The following GPHN variants were observed in gnomAD, a reference collection of about 807,000 sequenced individuals.
GPHN encodes gephyrin.
Under a neutral mutation model 95.5 loss-of-function variants are expected in GPHN, and 17 were observed. That is an observed-to-expected ratio of 0.18 (90% CI 0.12 to 0.27). The LOEUF (loss-of-function observed/expected upper bound fraction) is 0.27, where lower values mean the gene tolerates loss of function less well. Ranked by LOEUF, GPHN falls within the 10% of genes least tolerant of loss-of-function variation. The probability of loss-of-function intolerance (pLI) is 1.00; values close to 1 mark genes in which losing one functional copy is unlikely to be tolerated. For synonymous variants in GPHN, 320 were observed against 322.5 expected, an observed-to-expected ratio of 0.99 and a Z score of 0.08; for missense variants, 660 against 978.1, an observed-to-expected ratio of 0.67 and a Z score of 4.34.
intron 5 of GPHN, among the ~76,000 whole-genome samples, chr14:66,895,951 T>A (rs2064825186): frequency 1.3e-5 from 2 of 152,174 alleles, no homozygotes; most frequent in Admixed American, 1.3e-4. Context: ...AGAAATTTAT[T>A]GCTTACAGTT....
intron 17 of GPHN, among the ~76,000 whole-genome samples, chr14:67,136,054 G>A (rs1261988556): frequency 6.6e-6 from 1 of 152,116 alleles, no homozygotes; most frequent in Non-Finnish European, 1.5e-5. Context: ...CTGTATTAGT[G>A]TTTTAATTGC....
chr14:67,045,613 G>C (rs760970368), intron 10 of GPHN, among the ~76,000 whole-genome samples: 48 of 145,726 alleles, frequency 3.3e-4, no homozygotes, highest in Admixed American at 3.4e-4. Context: ...CTCTGTCTGT[G>C]TCTCTGTCTC....
the GPHN span, among the ~76,000 whole-genome samples, chr14:67,359,263 CT>C: frequency 6.6e-6 from 1 of 152,216 alleles, no homozygotes; most frequent in Admixed American, 6.5e-5. Context: ...TTAAAACCTC[CT>C]TGGCCTTTCC....
At chr14:67,450,194 G>A in the GPHN span, among the ~76,000 whole-genome samples, 3 of 151,912 alleles carry the variant, frequency 2.0e-5, no homozygotes, top group Non-Finnish European at 4.4e-5. Context: ...GGCGTTCCCA[G>A]CCATATGGAA....
the GPHN span, chr14:67,642,308 G>A: frequency 6.2e-7 from 1 of 1,614,156 alleles, no homozygotes; most frequent in East Asian, 2.2e-5. Flanking sequence ...GGCTGAGGTG[G>A]TTAGCAGAGC....
chr14:66,693,606 A>G (rs980480714), intron 2 of GPHN, among the ~76,000 whole-genome samples: 22 of 152,138 alleles, frequency 1.4e-4, no homozygotes, highest in African/African-American at 5.1e-4. Context: ...GAAATAGCCT[A>G]TTTGCTCTAT....
the GPHN span, among the ~76,000 whole-genome samples, chr14:67,525,238 ATATAGT>A: frequency 2.6e-5 from 4 of 152,200 alleles, no homozygotes; most frequent in African/African-American, 4.8e-5. Context: ...ATAAATATAC[ATATAGT>A]TATATGTATA....
chr14:67,030,953 A>G (rs2074164519), intron 10 of GPHN, among the ~76,000 whole-genome samples: 1 of 152,234 alleles, frequency 6.6e-6, no homozygotes, highest in South Asian at 2.1e-4. Context: ...AAGGAAAATA[A>G]TGAACATTAG....
At chr14:66,935,800 AT>A (rs2067100356) in intron 8 of GPHN, among the ~76,000 whole-genome samples, 1 of 152,004 alleles carries the variant, frequency 6.6e-6, no homozygotes, top group South Asian at 2.1e-4. Flanking sequence ...ATCCATGAGG[AT>A]TTTGAGATAT....
chr14:66,836,665 A>C (rs1418685302), intron 4 of GPHN, among the ~76,000 whole-genome samples: 9 of 144,754 alleles, frequency 6.2e-5, no homozygotes, highest in African/African-American at 2.5e-4. Flanking sequence ...CAACCTACAA[A>C]ATGGGAGAAA....
At chr14:67,620,768 G>C in the GPHN span, 1 of 847,596 alleles carries the variant, frequency 1.2e-6, no homozygotes, top group Non-Finnish European at 1.9e-6. Flanking sequence ...TGGAAGGACA[G>C]TCATTGATGG....
At chr14:67,542,110 T>C in the GPHN span, 1 of 979,860 alleles carries the variant, frequency 1.0e-6, no homozygotes, top group Non-Finnish European at 1.4e-6. Flanking sequence ...CTTTTCCCCA[T>C]ATGCAAAATG....
the GPHN span, among the ~76,000 whole-genome samples, chr14:67,527,268 C>T: frequency 2.0e-3 from 304 of 152,256 alleles, 2 homozygotes; most frequent in Middle Eastern, 3.4e-3. Context: ...ACTTGGTCTT[C>T]GTGAGCCTCA....
the GPHN span, among the ~76,000 whole-genome samples, chr14:67,732,746 G>GT: frequency 1.6e-4 from 25 of 152,044 alleles, no homozygotes; most frequent in East Asian, 4.8e-3. Context: ...CCGGCTAATT[G>GT]TTTTTTGTAT....
At chr14:66,860,367 T>C (rs1160465830) in intron 4 of GPHN, among the ~76,000 whole-genome samples, 1 of 152,020 alleles carries the variant, frequency 6.6e-6, no homozygotes, top group Admixed American at 6.6e-5. Context: ...GAACAGTATA[T>C]CTGGTGAAAA....
At chr14:66,825,262 G>A (rs1351300926) in intron 4 of GPHN, among the ~76,000 whole-genome samples, 1 of 152,070 alleles carries the variant, frequency 6.6e-6, no homozygotes, top group Non-Finnish European at 1.5e-5. Flanking sequence ...ATCACCACTT[G>A]TGACATTGTT....
intron 1 of GPHN, among the ~76,000 whole-genome samples, chr14:66,593,415 G>T (rs1471302566): frequency 6.6e-6 from 1 of 152,106 alleles, no homozygotes; most frequent in Non-Finnish European, 1.5e-5. Flanking sequence ...TACAATTATG[G>T]CAGAAGGGGA....
the GPHN span, among the ~76,000 whole-genome samples, chr14:67,300,421 G>A: frequency 6.7e-6 from 1 of 150,278 alleles, no homozygotes; most frequent in East Asian, 2.0e-4. Flanking sequence ...TCTACCTCCT[G>A]GGTTCAAGCC....
chr14:67,320,197 T>A, the GPHN span: 1 of 1,591,720 alleles, frequency 6.3e-7, no homozygotes, highest in African/African-American at 1.4e-5. Flanking sequence ...GGCCATAATT[T>A]TGTTTGAAGA....
Sources: gnomAD v4.1 joint callset for allele counts (sites outside exome capture counted in the v4.1 genomes callset) on GRCh38, gnomAD v4.1.1 for gene constraint, MANE v1.5 for transcripts, NCBI Gene and HGNC (gene_info 2026-07-23, HGNC 2026-07-21) for gene names.